DOCK2: variants seen among roughly 807,000 people sequenced by gnomAD.
The protein encoded by DOCK2 is dedicator of cytokinesis 2, also known as dedicator of cytokinesis protein 2.
Under a neutral mutation model 248.9 loss-of-function variants are expected in DOCK2, and 87 were observed. The observed-to-expected ratio is 0.35, with a 90% CI of 0.29 to 0.42. The LOEUF is 0.42. DOCK2 is among the 10% of genes least tolerant of loss of function. The probability of loss-of-function intolerance (pLI) is 1.00; values close to 1 mark genes in which losing one functional copy is unlikely to be tolerated. For synonymous variants in DOCK2, 805 were observed against 821.6 expected (o/e 0.98, Z 0.35); for missense variants, 1,747 against 2,300.2 (o/e 0.76, Z 4.92).
intron 30 of DOCK2, among the ~76,000 whole-genome samples, chr5:170,004,766 AG>A (rs1157608465): frequency 6.7e-6 from 1 of 148,572 alleles, no homozygotes; most frequent in African/African-American, 2.5e-5. Flanking sequence ...TGTCCTTTGT[AG>A]GGACATGGAT....
In DOCK2 at chr5:170,081,832, C is replaced by A; in HGVS notation, c.5288-10C>A. 3 of 1,606,464 alleles carry A rather than the reference C, an allele frequency of 1.9e-6. No homozygotes were observed. Among genetic ancestry groups the A allele is most frequent in the South Asian group, 2.2e-5 (2 of 90,506 alleles). On this transcript the variant is annotated splice_polypyrimidine_tract_variant and intron_variant, in intron 50 of 51. Transcript: ENST00000520908. Reference sequence around the variant, plus strand: ...CACCCATTCACACCCCAGCTCTGCTCTCCTTCCAGCCCTGGCGCTCTCAGT... The same window carrying A: ...CACCCATTCACACCCCAGCTCTGCTATCCTTCCAGCCCTGGCGCTCTCAGT...
Position 170,038,404 on chromosome 5 carries a change from A to G in DOCK2, c.3665+1849A>G, listed in dbSNP as rs531697205. 5.6e-4 allele frequency among the ~76,000 whole-genome samples: 85 copies of G among 152,358 alleles called. 2 individuals carry two copies. The highest frequency in any genetic ancestry group is 1.7e-3 in the South Asian group (8 of 4,830). On this transcript the variant is annotated intron_variant, in intron 36 of 51. Transcript: ENST00000520908. ...CAGACTGCAAACAGGGTATAGTCTG[A>G]AAATCTGTTCTGTTTGGCAGGCAGA...
chr5:170,045,666 C>G (rs1052402835), intron 38 of DOCK2, 150 bp from the exon 39 acceptor site: 7 of 724,150 alleles, frequency 9.7e-6, no homozygotes, highest in Non-Finnish European at 1.7e-5. Flanking sequence ...CTAGGAAGCC[C>G]CCGGCCCCTC....
intron 27 of DOCK2, among the ~76,000 whole-genome samples, chr5:169,976,707 C>T (rs556029316): frequency 2.4e-4 from 37 of 151,856 alleles, no homozygotes; most frequent in East Asian, 1.2e-3. Flanking sequence ...GGCCCCTCTT[C>T]GAGCCTTGAT....
chr5:170,015,403 G>C (rs573951576), intron 32 of DOCK2, among the ~76,000 whole-genome samples: 2 of 152,282 alleles, frequency 1.3e-5, no homozygotes, highest in South Asian at 2.1e-4. Context: ...ACTCTACGGG[G>C]CCTGGAAGGA....
intron 22 of DOCK2, among the ~76,000 whole-genome samples, chr5:169,724,085 G>C (rs1762347754): frequency 6.6e-6 from 1 of 152,146 alleles, no homozygotes; most frequent in South Asian, 2.1e-4. Flanking sequence ...GCAAATGTGA[G>C]AACCTGATCA....
chr5:169,928,835 T>G (rs2113674944), intron 27 of DOCK2, among the ~76,000 whole-genome samples: 1 of 152,354 alleles, frequency 6.6e-6, no homozygotes, highest in East Asian at 1.9e-4. Flanking sequence ...AAGTAATTAC[T>G]CAGTGATGAA....
chr5:169,714,297 G>A, intron 18 of DOCK2, 63 bp from the exon 19 acceptor site: 3 of 1,611,752 alleles, frequency 1.9e-6, no homozygotes, highest in East Asian at 2.2e-5. Context: ...CAGACCCAAG[G>A]AGGTCCTGAT....
chr5:169,894,858 G>C (rs1284785403), intron 27 of DOCK2, among the ~76,000 whole-genome samples: 1 of 152,114 alleles, frequency 6.6e-6, no homozygotes, highest in Non-Finnish European at 1.5e-5. Flanking sequence ...CAAATCTCAA[G>C]TAACATTAAA....
intron 44 of DOCK2, among the ~76,000 whole-genome samples, chr5:170,065,953 G>GTTT (rs34658795): frequency 0.064 from 8,508 of 133,286 alleles, 757 homozygotes; most frequent in African/African-American, 0.18. Flanking sequence ...AATGAAAACT[G>GTTT]TTTTTTTTTT....
chr5:169,817,697 T>A (rs373448864), intron 26 of DOCK2, among the ~76,000 whole-genome samples: 53 of 152,366 alleles, frequency 3.5e-4, no homozygotes, highest in African/African-American at 1.3e-3. Flanking sequence ...AAATTTGACA[T>A]AGGCCATCAT....
At chr5:169,731,244 T>C (rs1404748137) in intron 22 of DOCK2, among the ~76,000 whole-genome samples, 1 of 152,192 alleles carries the variant, frequency 6.6e-6, no homozygotes, top group African/African-American at 2.4e-5. Flanking sequence ...CACCCAAATC[T>C]CATCTTGAAT....
chr5:169,992,311 C>T (rs770725389), intron 29 of DOCK2, among the ~76,000 whole-genome samples: 3 of 152,192 alleles, frequency 2.0e-5, no homozygotes, highest in Non-Finnish European at 4.4e-5. Flanking sequence ...CCTATACAGC[C>T]GCTAAGCAAC....
At position 170,046,002 on chromosome 5, in the gene DOCK2, C is replaced by T. The variant is rs570201191; in HGVS notation, c.3966+97C>T. The T allele has an allele frequency of 6.9e-5, 79 of 1,143,930 alleles. No individual in the cohort carries two copies. The Middle Eastern group carries it at 1.1e-3, about 15-fold the overall frequency. The allele number at this position is 1,143,930 out of a possible 1,614,324, so 70.9% of individuals were successfully genotyped here. A position where few individuals can be genotyped will look rare whatever the true frequency, so the allele number is the denominator to read the frequency against. On this transcript the variant is annotated intron_variant, in intron 39 of 51. Coordinates refer to ENST00000520908, the MANE Select transcript of DOCK2 (RefSeq NM_004946.3). ...TGGGGAGATGGGCATGAGGGCCAGG[C>T]GGGGTTAGGGAAATAGAAAATGAAC...
At chr5:169,858,705 T>G (rs1032527127) in intron 27 of DOCK2, among the ~76,000 whole-genome samples, 3 of 152,128 alleles carry the variant, frequency 2.0e-5, no homozygotes, top group Admixed American at 2.0e-4. Flanking sequence ...AGAAGATATT[T>G]GAGAAGTGAG....
chr5:169,891,864 A>C (rs887416836), intron 27 of DOCK2, among the ~76,000 whole-genome samples: 2 of 152,002 alleles, frequency 1.3e-5, no homozygotes, highest in Non-Finnish European at 2.9e-5. Flanking sequence ...GTGTGGTGGC[A>C]GGCACCTGTA....
At chr5:169,715,445 A>T (rs1001462545) in intron 19 of DOCK2, among the ~76,000 whole-genome samples, 1 of 152,158 alleles carries the variant, frequency 6.6e-6, no homozygotes, top group African/African-American at 2.4e-5. Context: ...CAGATGCCGT[A>T]AATGTATACC....
intron 33 of DOCK2, among the ~76,000 whole-genome samples, chr5:170,022,522 GT>G (rs1222118350): frequency 6.6e-6 from 1 of 152,038 alleles, no homozygotes; most frequent in East Asian, 1.9e-4. Flanking sequence ...GGGGGTCTCT[GT>G]CCATTGTCTA....
chr5:169,820,392 C>A (rs898558920), intron 26 of DOCK2, among the ~76,000 whole-genome samples: 2 of 152,218 alleles, frequency 1.3e-5, no homozygotes, highest in Non-Finnish European at 2.9e-5. Context: ...ACTGACACCT[C>A]ACACAGCTGG....
Sources: allele counts gnomAD v4.1 joint callset (sites outside exome capture counted in the v4.1 genomes callset), GRCh38; gene constraint gnomAD v4.1.1; transcripts MANE v1.5; gene names NCBI Gene and HGNC (gene_info 2026-07-23, HGNC 2026-07-21).